Variants in SORCS3 observed in about 807,000 individuals in gnomAD.
The protein encoded by SORCS3 is VPS10 domain-containing receptor SorCS3.
A neutral mutation model predicts 146.3 loss-of-function variants in SORCS3; 57 were observed. That is an observed-to-expected ratio of 0.39 (90% CI 0.31 to 0.49). The LOEUF (loss-of-function observed/expected upper bound fraction) is 0.49, where lower values mean the gene tolerates loss of function less well. Among genes scored for constraint, SORCS3 ranks in the 20% least tolerant of loss-of-function variants. The pLI, the probability that SORCS3 is intolerant of heterozygous loss-of-function variation, is 0.92. For synonymous variants in SORCS3, 653 were observed against 618.5 expected, an observed-to-expected ratio of 1.06 and a Z score of -0.83; for missense variants, 1,341 against 1,575.5, an observed-to-expected ratio of 0.85 and a Z score of 2.52.
chr10:104,988,119 GAAGGGCATT>G (rs376014221), intron 4 of SORCS3, among the ~76,000 whole-genome samples: 140 of 152,292 alleles, frequency 9.2e-4, no homozygotes, highest in Middle Eastern at 3.4e-3. Context: ...TATGACTCTT[GAAGGGCATT>G]CTAACTTGTT....
intron 1 of SORCS3, among the ~76,000 whole-genome samples, chr10:104,673,071 C>T (rs776688445): frequency 3.9e-5 from 6 of 151,970 alleles, no homozygotes; most frequent in Non-Finnish European, 7.4e-5. Flanking sequence ...AGTATAGTCA[C>T]CTTTGTTCGC....
At chr10:104,642,022 G>GGGGGGGGGGGGGGGGGGGGGCCCC in intron 1 of SORCS3, 68 bp downstream of exon 1, 8 of 173,334 alleles carry the variant, frequency 4.6e-5, no homozygotes, top group Non-Finnish European at 6.7e-5. Context: ...GGGTGGGTGG[G>GGGGGGGGGGGGGGGGGGGGGCCCC]AGCGAGGGAC....
At chr10:105,119,588 A>C (rs2055917125) in intron 7 of SORCS3, among the ~76,000 whole-genome samples, 1 of 152,182 alleles carries the variant, frequency 6.6e-6, no homozygotes, top group African/African-American at 2.4e-5. Flanking sequence ...GCAAAGCCAC[A>C]GGGGCAGAGC....
chr10:104,697,483 G>A (rs546825704), intron 1 of SORCS3, among the ~76,000 whole-genome samples: 37 of 152,274 alleles, frequency 2.4e-4, no homozygotes, highest in African/African-American at 8.4e-4. Flanking sequence ...TCTCCTGGGC[G>A]AGAAATTGCT....
At chr10:105,043,150 A>G (rs2055348967) in intron 5 of SORCS3, 22 bp downstream of exon 5, 1 of 1,600,300 alleles carries the variant, frequency 6.2e-7, no homozygotes, top group Non-Finnish European at 8.6e-7. Context: ...CCACACACTC[A>G]TTACTTCTTA....
chr10:104,735,709 C>A (rs2133455961), intron 1 of SORCS3, among the ~76,000 whole-genome samples: 1 of 152,090 alleles, frequency 6.6e-6, no homozygotes, highest in East Asian at 1.9e-4. Context: ...GAAAAGGCAG[C>A]AATTGAAGTC....
chr10:105,062,455 AG>A (rs1214008230), intron 5 of SORCS3, among the ~76,000 whole-genome samples: 2 of 152,194 alleles, frequency 1.3e-5, no homozygotes, highest in African/African-American at 4.8e-5. Flanking sequence ...AGAAAGTGGG[AG>A]AACTGTTCTT....
At position 105,118,789 on chromosome 10, in the gene SORCS3, T is replaced by A. The variant is rs150850756; in HGVS notation, c.1212+13274T>A. 4.9e-3 allele frequency among the ~76,000 whole-genome samples: 747 copies of A among 152,232 alleles called. 6 individuals carry two copies. The highest frequency in any genetic ancestry group is 0.017 in the African/African-American group (723 of 41,536). ...CTTGCCCTGGAGATCTGTGGAACTTTGAATTTGAGAGAGATGATTTAGGGT... is the reference window on the plus strand; with the variant it reads ...CTTGCCCTGGAGATCTGTGGAACTTAGAATTTGAGAGAGATGATTTAGGGT... On this transcript the variant is annotated intron_variant, in intron 7 of 26. Transcript: ENST00000369701.
chr10:104,693,219 G>C (rs1564660195), intron 1 of SORCS3, among the ~76,000 whole-genome samples: 1 of 152,148 alleles, frequency 6.6e-6, no homozygotes, highest in Non-Finnish European at 1.5e-5. Context: ...TCCTTCACTT[G>C]TGCAGCCAGG....
In SORCS3 at chr10:105,064,779, C is replaced by T. The variant is rs143768421; in HGVS notation, c.1028+21651C>T. ...AATTCACCTTTCCTCTTTTTGTTCT[C>T]TCCAGGCCCCCAGCCCACTGAGTGA... On this transcript the variant is annotated intron_variant, in intron 5 of 26. Coordinates refer to ENST00000369701, the MANE Select transcript of SORCS3 (RefSeq NM_014978.3). Among the ~76,000 whole-genome samples the T allele has an allele frequency of 2.7e-3, 406 of 147,774 alleles. 2 individuals are homozygous for T. The highest frequency in any genetic ancestry group is 9.2e-3 in the African/African-American group (378 of 41,198).
chr10:104,880,586 G>C (rs993088673), intron 2 of SORCS3, among the ~76,000 whole-genome samples: 3 of 151,570 alleles, frequency 2.0e-5, no homozygotes, highest in Non-Finnish European at 4.4e-5. Flanking sequence ...GGGGGCAGGG[G>C]CTTCCTTGGT....
intron 4 of SORCS3, among the ~76,000 whole-genome samples, chr10:105,016,155 A>ATTTTTTTTT (rs10625699): frequency 9.9e-6 from 1 of 101,344 alleles, no homozygotes; most frequent in African/African-American, 4.8e-5. Flanking sequence ...ATATATATAT[A>ATTTTTTTTT]TTTTTTTTTT....
intron 2 of SORCS3, among the ~76,000 whole-genome samples, chr10:104,868,723 C>T (rs955525774): frequency 2.6e-5 from 4 of 152,188 alleles, no homozygotes; most frequent in Admixed American, 1.3e-4. Context: ...TTATATGGAG[C>T]TCGATGCTGG....
intron 1 of SORCS3, among the ~76,000 whole-genome samples, chr10:104,810,764 T>C (rs1166038651): frequency 2.0e-5 from 3 of 152,246 alleles, no homozygotes; most frequent in Admixed American, 6.5e-5. Flanking sequence ...ACTTGTCATC[T>C]GATTTTCTTT....
intron 1 of SORCS3, among the ~76,000 whole-genome samples, chr10:104,713,715 A>C (rs1202112818): frequency 2.6e-5 from 4 of 152,148 alleles, no homozygotes; most frequent in African/African-American, 9.7e-5. Flanking sequence ...GGGGATTTTT[A>C]CATGTGTGTT....
intron 2 of SORCS3, among the ~76,000 whole-genome samples, chr10:104,883,656 A>AT (rs554407537): frequency 4.9e-4 from 74 of 152,182 alleles, no homozygotes; most frequent in Non-Finnish European, 8.7e-4. Context: ...GGAATATCTT[A>AT]TTTTTTATTG....
At chr10:104,824,055 C>T (rs1405666169) in intron 1 of SORCS3, among the ~76,000 whole-genome samples, 1 of 152,092 alleles carries the variant, frequency 6.6e-6, no homozygotes, top group African/African-American at 2.4e-5. Flanking sequence ...ACAGATTTTC[C>T]CCTAGAGCCC....
chr10:104,867,228 C>CT (rs2018469691), intron 2 of SORCS3, among the ~76,000 whole-genome samples: 2 of 149,460 alleles, frequency 1.3e-5, no homozygotes, highest in East Asian at 2.0e-4. Context: ...GGAGGGGGTG[C>CT]TTTTTTTAAA....
intron 2 of SORCS3, among the ~76,000 whole-genome samples, chr10:104,869,462 C>A (rs913542507): frequency 7.9e-5 from 12 of 152,224 alleles, no homozygotes; most frequent in Admixed American, 6.5e-4. Flanking sequence ...ATGTGCCTGA[C>A]TTAGTTTACC....
Sources: allele counts gnomAD v4.1 joint callset (sites outside exome capture counted in the v4.1 genomes callset), GRCh38; gene constraint gnomAD v4.1.1; transcripts MANE v1.5; gene names NCBI Gene and HGNC (gene_info 2026-07-23, HGNC 2026-07-21).